The following STK39 variants were observed in gnomAD, a reference collection of about 807,000 sequenced individuals.
STK39 encodes STE20/SPS1-related proline-alanine-rich protein kinase.
In STK39, 20 loss-of-function variants were observed where a neutral mutation model predicts 77.8. That is an observed-to-expected ratio of 0.26 (90% CI 0.18 to 0.37). The LOEUF is 0.37. Among genes scored for constraint, STK39 ranks in the 10% least tolerant of loss-of-function variants. The pLI is 1.00. For synonymous variants in STK39, 246 were observed against 234.1 expected, an observed-to-expected ratio of 1.05 and a Z score of -0.47; for missense variants, 479 against 656.5, an observed-to-expected ratio of 0.73 and a Z score of 2.95.
Position 168,163,863 on chromosome 2 carries a change from T to C in STK39, c.448A>G (p.Ile150Val). The C allele has an allele frequency of 1.9e-6, 3 of 1,613,922 alleles. No homozygotes were observed. The highest frequency in any genetic ancestry group is 1.7e-6 in the Non-Finnish European group (2 of 1,179,908). The change falls in exon 4 of 18, where the codon ATA becomes GTA. Residue 150 changes from isoleucine to valine, a missense_variant. Transcript: ENST00000355999. Reference protein sequence around the residue: ...LLSGGSMLDIIKYIVNRGEHK... With the variant: ...LLSGGSMLDIVKYIVNRGEHK... ...TCTCCTCGGTTGACAATGTATTTTA[T>C]GATATCCAACATTGAACCTAAGTAG...
intron 16 of STK39, among the ~76,000 whole-genome samples, chr2:167,993,457 C>T (rs1016896891): frequency 3.9e-5 from 6 of 152,094 alleles, no homozygotes; most frequent in Admixed American, 2.0e-4. Context: ...GAGGTCGAAG[C>T]GGGAGGATCG....
chr2:168,063,261 A>C (rs1685708032), intron 14 of STK39, among the ~76,000 whole-genome samples: 3 of 152,204 alleles, frequency 2.0e-5, no homozygotes, highest in African/African-American at 4.8e-5. Flanking sequence ...ATAAAACATA[A>C]TGAAAGGTAC....
chr2:167,957,045 G>GT (rs1169154487), intron 17 of STK39, among the ~76,000 whole-genome samples: 3 of 151,850 alleles, frequency 2.0e-5, no homozygotes, highest in Non-Finnish European at 2.9e-5. Flanking sequence ...ATAGTGTACT[G>GT]TTTTTTGAAC....
intron 16 of STK39, among the ~76,000 whole-genome samples, chr2:167,987,139 T>C (rs1683581046): frequency 1.3e-5 from 2 of 152,210 alleles, no homozygotes; most frequent in African/African-American, 4.8e-5. Flanking sequence ...CTGTGATTTC[T>C]AACTACAATC....
chr2:168,180,337 ACT>A (rs143258636), intron 2 of STK39, among the ~76,000 whole-genome samples: 5,019 of 152,142 alleles, frequency 0.033, 252 homozygotes, highest in East Asian at 0.23. Flanking sequence ...ACAGAGTGAG[ACT>A]CTGTCTCAAA....
At chr2:168,031,348 C>T (rs1330042999) in intron 14 of STK39, among the ~76,000 whole-genome samples, 11 of 152,304 alleles carry the variant, frequency 7.2e-5, no homozygotes, top group Admixed American at 7.2e-4. Flanking sequence ...ATCTGAAGCT[C>T]AGCCTTATCT....
At chr2:168,098,037 A>G (rs1252972983) in intron 10 of STK39, among the ~76,000 whole-genome samples, 2 of 152,242 alleles carry the variant, frequency 1.3e-5, no homozygotes, top group Admixed American at 1.3e-4. Context: ...CTTTCTTAGA[A>G]ATCATATGGG....
At chr2:168,239,708 A>G (rs1008384383) in intron 1 of STK39, among the ~76,000 whole-genome samples, 1 of 152,208 alleles carries the variant, frequency 6.6e-6, no homozygotes, top group Non-Finnish European at 1.5e-5. Context: ...CATTTATTAA[A>G]TATCTATTAT....
intron 10 of STK39, among the ~76,000 whole-genome samples, chr2:168,117,316 T>C (rs917666941): frequency 2.0e-5 from 3 of 152,202 alleles, no homozygotes; most frequent in African/African-American, 7.2e-5. Context: ...TACCTCCCCT[T>C]GCACTCTCAC....
At chr2:168,203,329 A>G (rs1689659164) in intron 1 of STK39, among the ~76,000 whole-genome samples, 1 of 152,200 alleles carries the variant, frequency 6.6e-6, no homozygotes, top group Non-Finnish European at 1.5e-5. Context: ...TAGCTCAGTC[A>G]TGGAGAACTA....
In STK39 at chr2:168,140,911, G is replaced by C. The variant is rs187535551; in HGVS notation, c.629-153C>G. Among the ~76,000 whole-genome samples, 187 of 152,210 alleles carry C rather than the reference G, an allele frequency of 1.2e-3. 1 individual carries two copies. Among genetic ancestry groups the C allele is most frequent in the African/African-American group, 4.4e-3 (183 of 41,524 alleles). Reference sequence around the variant, plus strand: ...GTGCTCTCTCAGGAAAAAAAAGGAAGACCTGCCCTCTGCTATCCCCTACAC... The same window carrying C: ...GTGCTCTCTCAGGAAAAAAAAGGAACACCTGCCCTCTGCTATCCCCTACAC... On this transcript the variant is annotated intron_variant, in intron 5 of 17. Transcript: ENST00000355999.
intron 10 of STK39, among the ~76,000 whole-genome samples, chr2:168,113,837 A>G (rs1687185240): frequency 6.6e-6 from 1 of 152,222 alleles, no homozygotes; most frequent in Admixed American, 6.5e-5. Flanking sequence ...TGTCAGGAAA[A>G]GGGGGACAGG....
chr2:168,097,866 G>T (rs764786101), intron 10 of STK39, among the ~76,000 whole-genome samples: 3 of 152,126 alleles, frequency 2.0e-5, no homozygotes, highest in South Asian at 2.1e-4. Flanking sequence ...GCCTTTAAAG[G>T]AACTAAAAGG....
chr2:168,210,082 A>AAGGAAGG (rs1207757423), intron 1 of STK39, among the ~76,000 whole-genome samples: 1,772 of 128,830 alleles, frequency 0.014, 51 homozygotes, highest in East Asian at 0.045. Flanking sequence ...AGGAAGGAAG[A>AAGGAAGG]AAGAAACTCA....
At chr2:168,011,216 T>C (rs1684262125) in intron 16 of STK39, among the ~76,000 whole-genome samples, 1 of 152,080 alleles carries the variant, frequency 6.6e-6, no homozygotes, top group South Asian at 2.1e-4. Context: ...CGAGAATTGC[T>C]TGGACACGGG....
chr2:168,042,362 C>T (rs897261863), intron 14 of STK39, among the ~76,000 whole-genome samples: 4 of 152,152 alleles, frequency 2.6e-5, no homozygotes, highest in African/African-American at 7.2e-5. Context: ...CATCTCTCTA[C>T]GGAAAAGCCC....
intron 1 of STK39, among the ~76,000 whole-genome samples, chr2:168,205,770 G>A (rs1455929637): frequency 6.6e-6 from 1 of 152,064 alleles, no homozygotes; most frequent in Non-Finnish European, 1.5e-5. Context: ...AGTAAGCCAT[G>A]ATGGTACACT....
intron 5 of STK39, among the ~76,000 whole-genome samples, chr2:168,147,423 T>C (rs1215518253): frequency 2.0e-5 from 3 of 152,252 alleles, no homozygotes; most frequent in Non-Finnish European, 2.9e-5. Context: ...ACTTCAGTTA[T>C]GCAAACTGTA....
intron 10 of STK39, among the ~76,000 whole-genome samples, chr2:168,106,662 G>A (rs1247638096): frequency 6.6e-6 from 1 of 151,832 alleles, no homozygotes; most frequent in African/African-American, 2.4e-5. Flanking sequence ...TCTACAAAAT[G>A]TACCAAAAAA....
Sources: gnomAD v4.1 joint callset for allele counts (sites outside exome capture counted in the v4.1 genomes callset) on GRCh38, gnomAD v4.1.1 for gene constraint, MANE v1.5 for transcripts, NCBI Gene and HGNC (gene_info 2026-07-23, HGNC 2026-07-21) for gene names.